SVEP1: variants seen among roughly 807,000 people sequenced by gnomAD.
The protein encoded by SVEP1 is sushi, von Willebrand factor type A, EGF and pentraxin domain containing 1.
SVEP1 carries 164 observed loss-of-function variants against 367.3 expected under a neutral mutation model. The ratio of observed to expected loss-of-function variants is 0.45; its 90% CI spans 0.39 to 0.51. The LOEUF (loss-of-function observed/expected upper bound fraction) is 0.51, where lower values mean the gene tolerates loss of function less well. SVEP1 is among the 20% of genes least tolerant of loss of function. SVEP1 has a pLI of 0.00. For missense variants in SVEP1, 4,117 were observed against 4,425.3 expected (o/e 0.93, Z 1.98); for synonymous variants, 1,666 against 1,611.6 (o/e 1.03, Z -0.81).
intron 9 of SVEP1, among the ~76,000 whole-genome samples, chr9:110,484,663 A>T (rs1829249090): frequency 6.6e-6 from 1 of 152,208 alleles, no homozygotes; most frequent in Non-Finnish European, 1.5e-5. Context: ...GACAACCTAC[A>T]GAATGAGAGA....
At chr9:110,524,232 C>CA (rs1349462029) in intron 3 of SVEP1, among the ~76,000 whole-genome samples, 4 of 151,444 alleles carry the variant, frequency 2.6e-5, no homozygotes, top group Non-Finnish European at 4.4e-5. Flanking sequence ...AAATATCTAC[C>CA]AAAAAAAATA....
At chr9:110,575,153 C>G (rs1830612034) in intron 1 of SVEP1, among the ~76,000 whole-genome samples, 1 of 152,124 alleles carries the variant, frequency 6.6e-6, no homozygotes. Flanking sequence ...TTTGAGAAAT[C>G]CCTGCTTGTT....
chr9:110,539,816 T>C (rs1039547716), intron 3 of SVEP1, among the ~76,000 whole-genome samples: 2 of 151,974 alleles, frequency 1.3e-5, no homozygotes, highest in Non-Finnish European at 2.9e-5. Flanking sequence ...ATATTCTTAA[T>C]TGTGAGTCTG....
chr9:110,570,083 C>T (rs1390844279), intron 1 of SVEP1, among the ~76,000 whole-genome samples: 2 of 152,176 alleles, frequency 1.3e-5, no homozygotes, highest in East Asian at 3.8e-4. Context: ...TTTTTCCTAT[C>T]CACGGCTGAC....
intron 3 of SVEP1, among the ~76,000 whole-genome samples, chr9:110,542,170 G>T (rs531843745): frequency 2.6e-5 from 4 of 152,192 alleles, no homozygotes; most frequent in African/African-American, 9.6e-5. Context: ...ATGTATATAA[G>T]ATGTTATTTT....
intron 14 of SVEP1, among the ~76,000 whole-genome samples, chr9:110,474,199 C>T (rs992059679): frequency 6.6e-6 from 1 of 152,028 alleles, no homozygotes; most frequent in African/African-American, 2.4e-5. Flanking sequence ...GGGGTTTTAC[C>T]ATGTTGGCCA....
chr9:110,465,930 C>A lies in SVEP1; in HGVS notation c.3257G>T (p.Cys1086Phe). 1 of 1,612,856 alleles carries A rather than the reference C, an allele frequency of 6.2e-7. No individual in the cohort carries two copies. The highest frequency in any genetic ancestry group is 8.5e-7 in the Non-Finnish European group (1 of 1,179,416). ...TYQPKFGSRS[C>F]LSCPENTSTV... The stretch of plus-strand genomic sequence containing the variant: ...TGAGGTGTTTTCTGGACACGAGAGG[C>A]AGCTCCGGGAACCAAATTTTGGCTG... Residue 1086 changes from cysteine to phenylalanine, a missense_variant, in exon 18 of 48, where the codon TGC becomes TTC. Physicochemically the swap from Cys to Phe is radical, Grantham distance 205 (BLOSUM62 -2). Coordinates refer to ENST00000374469, the MANE Select transcript of SVEP1 (RefSeq NM_153366.4).
chr9:110,429,592 G>A (rs1262418188), intron 34 of SVEP1, among the ~76,000 whole-genome samples: 1 of 152,060 alleles, frequency 6.6e-6, no homozygotes, highest in African/African-American at 2.4e-5. Context: ...TACAAACAGG[G>A]AATCCTTGGC....
At chr9:110,390,384 T>TATATATAC (rs1827637002) in intron 40 of SVEP1, among the ~76,000 whole-genome samples, 2 of 124,212 alleles carry the variant, frequency 1.6e-5, no homozygotes, top group African/African-American at 5.8e-5. Flanking sequence ...CTTATATATA[T>TATATATAC]ATATACTTAT....
intron 1 of SVEP1, among the ~76,000 whole-genome samples, chr9:110,569,002 G>A (rs1405016974): frequency 1.3e-5 from 2 of 151,072 alleles, no homozygotes; most frequent in African/African-American, 2.4e-5. Flanking sequence ...AGGAGGCTGA[G>A]GTAGGGGGAT....
Position 110,427,706 on chromosome 9 carries a change from C to G in SVEP1, c.5860G>C (p.Ala1954Pro). The change falls in exon 36 of 48, where the codon GCG becomes CCG. Residue 1954 changes from alanine to proline, a missense_variant. Physicochemically the swap from Ala to Pro is conservative, Grantham distance 27 (BLOSUM62 -1). Around this residue, in one of 4 missense-constraint regions of SVEP1, gnomAD observed 2,174 missense variants for 2,494.3 expected, o/e 0.87. Coordinates refer to ENST00000374469, the MANE Select transcript of SVEP1 (RefSeq NM_153366.4). ...ECTASGIWDR[A>P]PPACHLVFCG... is the part of the protein sequence containing the mutation. ...AAGACGAGGTGACAGGCAGGTGGCG[C>G]TCTGTCCCAGATGCCAGAAGCCGTG... is the stretch of plus-strand genomic sequence containing the variant. The G allele has an allele frequency of 6.2e-7, 1 of 1,613,918 alleles. No individual in the cohort carries two copies. The highest frequency in any genetic ancestry group is 8.5e-7 in the Non-Finnish European group (1 of 1,179,862).
chr9:110,443,759 C>T, intron 26 of SVEP1, 39 bp from the exon 27 acceptor site: 3 of 1,500,358 alleles, frequency 2.0e-6, no homozygotes, highest in Non-Finnish European at 2.7e-6. Flanking sequence ...AGTCATTAGC[C>T]ATATGTTGCA....
chr9:110,415,603 G>A (rs1419030011), intron 36 of SVEP1, among the ~76,000 whole-genome samples: 1 of 152,048 alleles, frequency 6.6e-6, no homozygotes, highest in Non-Finnish European at 1.5e-5. Context: ...CACAGGGCAT[G>A]TAGATCTATG....
intron 7 of SVEP1, 117 bp downstream of exon 7, chr9:110,498,924 C>T (rs528285130): frequency 7.1e-6 from 6 of 840,544 alleles, no homozygotes; most frequent in Non-Finnish European, 1.0e-5. Flanking sequence ...TGGGGTAGCA[C>T]CTAACCATAT....
At chr9:110,430,122 T>C (rs201777542) in intron 33 of SVEP1, 118 bp from the exon 34 acceptor site, 4 of 913,566 alleles carry the variant, frequency 4.4e-6, no homozygotes, top group Admixed American at 6.3e-5. Flanking sequence ...TTTTTTTTTT[T>C]GGTGTGTGTG....
At chr9:110,398,182 A>T (rs922536168) in intron 40 of SVEP1, among the ~76,000 whole-genome samples, 9 of 152,192 alleles carry the variant, frequency 5.9e-5, no homozygotes, top group Admixed American at 2.6e-4. Flanking sequence ...CTCAGAAATT[A>T]TGCTGCATAT....
chr9:110,467,934 C>T (rs1186206844), intron 17 of SVEP1, among the ~76,000 whole-genome samples: 2 of 151,924 alleles, frequency 1.3e-5, no homozygotes, highest in Non-Finnish European at 2.9e-5. Context: ...CCATATATTC[C>T]CCCCTCCCAC....
At chr9:110,533,400 C>T (rs374012990) in intron 3 of SVEP1, among the ~76,000 whole-genome samples, 6 of 152,236 alleles carry the variant, frequency 3.9e-5, no homozygotes, top group African/African-American at 1.2e-4. Flanking sequence ...AAAAACTGCC[C>T]AGAAAAACAC....
chr9:110,531,961 G>A (rs1830023156), intron 3 of SVEP1, among the ~76,000 whole-genome samples: 1 of 152,066 alleles, frequency 6.6e-6, no homozygotes, highest in Admixed American at 6.6e-5. Context: ...CCTTCCAGAT[G>A]GCTTATTTTG....
Sources: allele counts gnomAD v4.1 joint callset (sites outside exome capture counted in the v4.1 genomes callset), GRCh38; gene constraint gnomAD v4.1.1; regional missense constraint gnomAD v4.1.1; transcripts MANE v1.5; gene names NCBI Gene and HGNC (gene_info 2026-07-23, HGNC 2026-07-21).